Variants in DAB1 observed in about 807,000 individuals in gnomAD.
DAB1 encodes DAB adaptor protein 1, also known as disabled homolog 1.
A neutral mutation model predicts 64.6 loss-of-function variants in DAB1; 15 were observed. The observed-to-expected ratio is 0.23, with a 90% confidence interval of 0.16 to 0.36. The LOEUF (loss-of-function observed/expected upper bound fraction) is 0.36, where lower values mean the gene tolerates loss of function less well. Ranked by LOEUF, DAB1 falls within the 10% of genes least tolerant of loss-of-function variation. The pLI is 1.00. For missense variants in DAB1, 596 were observed against 706.7 expected (o/e 0.84, Z 1.78); for synonymous variants, 235 against 251.9 (o/e 0.93, Z 0.64).
intron 5 of DAB1, among the ~76,000 whole-genome samples, chr1:57,900,699 A>C (rs1644460067): frequency 6.6e-6 from 1 of 152,202 alleles, no homozygotes; most frequent in South Asian, 2.1e-4. Context: ...AGGGGAGCTT[A>C]GTAGTATTTC....
intron 7 of DAB1, among the ~76,000 whole-genome samples, chr1:57,549,690 G>T (rs938415727): frequency 6.6e-6 from 1 of 152,192 alleles, no homozygotes; most frequent in Non-Finnish European, 1.5e-5. Flanking sequence ...GAGACATTGG[G>T]TTGTGCAACA....
intron 4 of DAB1, among the ~76,000 whole-genome samples, chr1:57,107,405 A>T (rs1232496446): frequency 4.0e-5 from 6 of 151,464 alleles, no homozygotes; most frequent in African/African-American, 4.9e-5. Flanking sequence ...AAATCAACCC[A>T]TCAAGCATCT....
At chr1:58,369,185 C>T (rs1357588360) in intron 3 of DAB1, among the ~76,000 whole-genome samples, 3 of 152,102 alleles carry the variant, frequency 2.0e-5, no homozygotes, top group African/African-American at 7.2e-5. Context: ...TTTGTAGAGG[C>T]CCTTTATTGG....
Position 58,481,819 on chromosome 1 carries a change from T to C in DAB1, n.257+24241A>G, listed in dbSNP as rs147221212. The stretch of plus-strand genomic sequence containing the variant: ...GGCAGTTCCCCCTGCATATGCTCTC[T>C]TGACTGCCGCCATGTAAGACATGAC... On this transcript the variant is annotated intron_variant and non_coding_transcript_variant, in intron 3 of 20. Coordinates refer to the DAB1 transcript ENST00000485760. Among the ~76,000 whole-genome samples, 18 of 152,320 alleles carry C rather than the reference T, an allele frequency of 1.2e-4. No individual in the cohort carries two copies. The East Asian group carries it at 3.3e-3, about 28-fold the overall frequency.
intron 6 of DAB1, among the ~76,000 whole-genome samples, chr1:57,698,807 CA>C (rs1208364026): frequency 1.3e-5 from 2 of 152,168 alleles, no homozygotes; most frequent in African/African-American, 2.4e-5. Context: ...AAGAAATGAA[CA>C]ACATGTGATA....
chr1:58,502,090 T>G (rs1205037294), intron 3 of DAB1, among the ~76,000 whole-genome samples: 1 of 152,198 alleles, frequency 6.6e-6, no homozygotes, highest in Non-Finnish European at 1.5e-5. Flanking sequence ...AAGTGTAAAT[T>G]TAAAACATTT....
intron 5 of DAB1, among the ~76,000 whole-genome samples, chr1:58,055,882 G>GTTATTATTATTATTATTA (rs71246205): frequency 0.1 from 14,841 of 147,514 alleles, 922 homozygotes; most frequent in Admixed American, 0.13. Context: ...ATCACACCGA[G>GTTATTATTATTATTATTA]TTATTATTAT....
intron 9 of DAB1, among the ~76,000 whole-genome samples, chr1:57,052,156 G>A (rs1415485837): frequency 6.6e-6 from 1 of 151,082 alleles, no homozygotes; most frequent in Non-Finnish European, 1.5e-5. Flanking sequence ...GCGGGGGGAA[G>A]CTGAATCAAG....
chr1:58,225,873 A>T (rs571532733), intron 4 of DAB1, among the ~76,000 whole-genome samples: 15 of 150,844 alleles, frequency 9.9e-5, no homozygotes, highest in Non-Finnish European at 1.9e-4. Context: ...TGACAAGTTA[A>T]TGGGTGCAGC....
intron 4 of DAB1, among the ~76,000 whole-genome samples, chr1:58,264,270 T>C (rs1661112071): frequency 1.3e-5 from 2 of 152,204 alleles, no homozygotes; most frequent in South Asian, 4.1e-4. Flanking sequence ...GATATTGGTG[T>C]TATTCATGTA....
intron 9 of DAB1, among the ~76,000 whole-genome samples, chr1:57,057,925 A>T (rs1414098347): frequency 2.0e-5 from 3 of 152,094 alleles, no homozygotes; most frequent in Non-Finnish European, 2.9e-5. Context: ...TCTTAATTCT[A>T]TCAGATTGTG....
chr1:57,890,828 T>C (rs919200553), intron 5 of DAB1, among the ~76,000 whole-genome samples: 3 of 152,216 alleles, frequency 2.0e-5, no homozygotes, highest in African/African-American at 7.2e-5. Flanking sequence ...TCTTTCTTGA[T>C]TTCTTCTGGC....
chr1:57,392,358 C>A (rs756496998), intron 1 of DAB1, among the ~76,000 whole-genome samples: 4 of 152,016 alleles, frequency 2.6e-5, no homozygotes, highest in East Asian at 1.9e-4. Context: ...GGTGACAGAG[C>A]GAGACTGTCT....
intron 4 of DAB1, among the ~76,000 whole-genome samples, chr1:58,200,327 A>G (rs1178205355): frequency 6.6e-6 from 1 of 152,038 alleles, no homozygotes; most frequent in African/African-American, 2.4e-5. Context: ...TGTAACTAGA[A>G]CCTACTTCTA....
intron 7 of DAB1, among the ~76,000 whole-genome samples, chr1:57,493,728 A>C (rs1054242603): frequency 6.6e-5 from 10 of 150,532 alleles, no homozygotes; most frequent in African/African-American, 2.2e-4. Context: ...ATGAAGAAAG[A>C]AGAAAAAGAG....
At chr1:57,955,240 C>G (rs1645365253) in intron 5 of DAB1, among the ~76,000 whole-genome samples, 1 of 152,124 alleles carries the variant, frequency 6.6e-6, no homozygotes, top group African/African-American at 2.4e-5. Flanking sequence ...TGGCAGGTCT[C>G]CTCCCTCCTG....
In DAB1 at chr1:57,918,884, C is replaced by CACTAGGCCCCACAAAGGCACA. The variant is rs1199322700; in HGVS notation, n.388-34723_388-34722insTGTGCCTTTGTGGGGCCTAGT. Among the ~76,000 whole-genome samples, 6 of 152,076 alleles carry CACTAGGCCCCACAAAGGCACA rather than the reference C, an allele frequency of 3.9e-5. No individual in the cohort carries two copies. The South Asian group carries it at 1.0e-3, about 26-fold the overall frequency. ...AGGATCTGCCCCTGTGACACAAAGACCTCCACTAGGCCCCACTTCCCAATA... is the reference window on the plus strand; with the variant it reads ...AGGATCTGCCCCTGTGACACAAAGACACTAGGCCCCACAAAGGCACACTCCACTAGGCCCCACTTCCCAATA... On this transcript the variant is annotated intron_variant and non_coding_transcript_variant, in intron 5 of 20. Transcript: ENST00000485760.
At chr1:57,411,366 G>C (rs1350825248) in intron 1 of DAB1, among the ~76,000 whole-genome samples, 2 of 152,196 alleles carry the variant, frequency 1.3e-5, no homozygotes, top group Non-Finnish European at 2.9e-5. Flanking sequence ...CTCCTCATTT[G>C]AAAGTGGGAA....
chr1:58,431,326 G>A (rs1644868273), intron 3 of DAB1, among the ~76,000 whole-genome samples: 1 of 152,130 alleles, frequency 6.6e-6, no homozygotes, highest in South Asian at 2.1e-4. Flanking sequence ...CTGGGAGGCC[G>A]AGGCAGATGG....
Sources: gnomAD v4.1 joint callset for allele counts (sites outside exome capture counted in the v4.1 genomes callset) on GRCh38, gnomAD v4.1.1 for gene constraint, MANE v1.5 for transcripts, NCBI Gene and HGNC (gene_info 2026-07-23, HGNC 2026-07-21) for gene names.